Variants in UMODL1 observed in about 807,000 individuals in gnomAD.
The protein encoded by UMODL1 is uromodulin-like 1.
UMODL1 carries 128 observed loss-of-function variants against 136.3 expected under a neutral mutation model. The ratio of observed to expected loss-of-function variants is 0.94; its 90% confidence interval spans 0.81 to 1.09. UMODL1 has a LOEUF of 1.09. UMODL1 is among the 50% of genes least tolerant of loss of function. The probability of loss-of-function intolerance (pLI) is 0.00; values close to 1 mark genes in which losing one functional copy is unlikely to be tolerated. For missense variants in UMODL1, 1,766 were observed against 1,725.6 expected (o/e 1.02, Z -0.41); for synonymous variants, 721 against 720.0 (o/e 1.00, Z -0.02).
intron 6 of UMODL1, among the ~76,000 whole-genome samples, chr21:42,096,434 T>C (rs1312117641): frequency 6.6e-6 from 1 of 152,206 alleles, no homozygotes; most frequent in Non-Finnish European, 1.5e-5. Context: ...AGAGTAAATA[T>C]ACTTATTAAA....
chr21:42,063,271 TGCAGGGGGCTGCCACTGAGCCCGCTG>T (rs1387519196), intron 1 of UMODL1: 1 of 152,154 alleles, frequency 6.6e-6, no homozygotes, highest in Non-Finnish European at 1.5e-5. Context: ...TTTGCAGGGG[TGCAGGGGGCTGCCACTGAGCCCGCTG>T]CACAGGGTGA....
rs1569145574 is a variant in UMODL1, at chr21:42,085,427, C to CG, written c.603+20dup. The CG allele has an allele frequency of 8.7e-6, 14 of 1,613,458 alleles. No individual in the cohort carries two copies. The highest frequency in any genetic ancestry group is 1.3e-5 in the African/African-American group (1 of 75,042). On this transcript the variant is annotated intron_variant, in intron 4 of 22. Transcript: ENST00000408910. This position sits in a 1 kb window ranked among gnomAD's most constrained non-coding sequence, Gnocchi z 4.5. The stretch of plus-strand genomic sequence containing the variant: ...TGCATTCCTTGGTAGGTGAGACAGA[C>CG]GGGGGCTGCCTGCACCCTCCTTGTG...
At chr21:42,090,949 A>C (rs2066484608) in intron 6 of UMODL1, among the ~76,000 whole-genome samples, 1 of 152,226 alleles carries the variant, frequency 6.6e-6, no homozygotes, top group South Asian at 2.1e-4. Context: ...GAGTGCCGGC[A>C]GTGAGCTGCC....
Position 42,129,717 on chromosome 21 carries a change from G to C in UMODL1, c.3695G>C (p.Cys1232Ser), listed in dbSNP as rs1434510053. The C allele has an allele frequency of 1.9e-6, 3 of 1,572,056 alleles. No individual in the cohort carries two copies. The highest frequency in any genetic ancestry group is 2.4e-5 in the South Asian group (2 of 82,294). Residue 1232 changes from cysteine to serine, a missense_variant, in exon 21 of 23, where the codon TGC becomes TCC. Cys to Ser is a moderately radical substitution (Grantham distance 112). Coordinates refer to ENST00000408910, the MANE Select transcript of UMODL1 (RefSeq NM_001004416.3). ...TTCTTGGAAAAAAAAAAACAGAATT[G>C]CAATAACTTTCGGTTGCTGCAAAAT... Reference protein sequence around the residue: ...ESPGATCKINCNNFRLLQNSE... With the variant: ...ESPGATCKINSNNFRLLQNSE...
At chr21:42,125,245 A>C (rs1392486754) in intron 17 of UMODL1, among the ~76,000 whole-genome samples, 4 of 152,164 alleles carry the variant, frequency 2.6e-5, no homozygotes, top group Non-Finnish European at 5.9e-5. Flanking sequence ...CCTGGGGAGC[A>C]GAGGCCAGAA....
At chr21:42,090,228 T>C in intron 5 of UMODL1, 70 bp from the exon 6 acceptor site, 1 of 1,599,652 alleles carries the variant, frequency 6.3e-7, no homozygotes, top group Non-Finnish European at 8.5e-7. Flanking sequence ...AGGCCGTGTG[T>C]GTGCAGGTAG....
chr21:42,129,829 G>T, intron 21 of UMODL1, 32 bp downstream of exon 21: 1 of 1,472,226 alleles, frequency 6.8e-7, no homozygotes, highest in Non-Finnish European at 9.1e-7. Context: ...GACAATGAAA[G>T]AAAAGATGCA....
chr21:42,074,839 C>G (rs1569138755), intron 1 of UMODL1, among the ~76,000 whole-genome samples: 1 of 152,170 alleles, frequency 6.6e-6, no homozygotes, highest in East Asian at 1.9e-4. Context: ...ATTCTCCTGC[C>G]TCAGCCTCCT....
At chr21:42,113,950 C>T in intron 13 of UMODL1, 120 bp downstream of exon 13, 3 of 1,368,776 alleles carry the variant, frequency 2.2e-6, no homozygotes, top group Non-Finnish European at 2.9e-6. Context: ...TTGTTCTTCT[C>T]AGCTTAGGGA....
At chr21:42,110,618 C>T (rs887344447) in intron 10 of UMODL1, among the ~76,000 whole-genome samples, 5 of 152,162 alleles carry the variant, frequency 3.3e-5, no homozygotes, top group Admixed American at 6.5e-5. Context: ...GGTTTTGTAG[C>T]CCCCCGGGTG....
upstream of UMODL1, among the ~76,000 whole-genome samples, chr21:42,070,322 C>T (rs2066218644): frequency 6.6e-6 from 1 of 152,222 alleles, no homozygotes; most frequent in Non-Finnish European, 1.5e-5. Context: ...CAGCAGTCAA[C>T]ACTAAGAAGT....
rs73905528 is a variant in UMODL1, at chr21:42,072,272, T to C, written c.76+880T>C. On this transcript the variant is annotated intron_variant, in intron 1 of 22. Transcript: ENST00000408910. ...TCTGAAACCCCAGAATCCAGGGAAA[T>C]GGGACTGCGGAATTTTAAAATCATT... Among the ~76,000 whole-genome samples, 634 of 152,288 alleles carry C rather than the reference T, an allele frequency of 4.2e-3. 3 individuals carry two copies. Among genetic ancestry groups the C allele is most frequent in the African/African-American group, 0.014 (593 of 41,552 alleles).
Position 42,119,168 on chromosome 21 carries a change from A to G in UMODL1, c.2533A>G (p.Met845Val). The change falls in exon 15 of 23, where the codon ATG becomes GTG. Residue 845 changes from methionine to valine, a missense_variant. Transcript: ENST00000408910. ...GCACATGGACGCTGGTGGGGTCAGG[A>G]TGGAAGTCGTCAGCGTCACCAACGG... The part of the protein sequence containing the change: ...CQHMDAGGVR[M>V]EVVSVTNGSI... The G allele has an allele frequency of 6.2e-7, 1 of 1,614,056 alleles. No homozygotes were observed. The highest frequency in any genetic ancestry group is 1.1e-5 in the South Asian group (1 of 91,074).
At chr21:42,064,919 G>A (rs1420260165) in intron 1 of UMODL1, among the ~76,000 whole-genome samples, 1 of 152,150 alleles carries the variant, frequency 6.6e-6, no homozygotes, top group African/African-American at 2.4e-5. Flanking sequence ...GGAGAATCCT[G>A]ACAAAGAGCG....
At chr21:42,103,794 C>T (rs780454323) in intron 8 of UMODL1, 74 bp from the exon 9 acceptor site, 15 of 1,548,472 alleles carry the variant, frequency 9.7e-6, no homozygotes, top group South Asian at 2.2e-5. Flanking sequence ...CACCATCCAT[C>T]GGTCACACCT....
chr21:42,075,515 C>T (rs1305510786), intron 1 of UMODL1, among the ~76,000 whole-genome samples: 2 of 152,216 alleles, frequency 1.3e-5, no homozygotes, highest in Non-Finnish European at 2.9e-5. Context: ...TCAGTTTGCA[C>T]TGTGGAGGGA....
rs144072320 is a variant in UMODL1 at position 42,123,857 on chromosome 21, A to C, written c.3147+707A>C. Among the ~76,000 whole-genome samples the C allele has an allele frequency of 1.3e-5, 2 of 152,160 alleles. No individual in the cohort carries two copies. Among genetic ancestry groups the C allele is most frequent in the African/African-American group, 4.8e-5 (2 of 41,514 alleles). ...TAGTCAGAACTGCTCTGTCGGAGGGACTGTGTTCCTAGCGAACATTCTCTA... is the reference window on the plus strand; with the variant it reads ...TAGTCAGAACTGCTCTGTCGGAGGGCCTGTGTTCCTAGCGAACATTCTCTA... On this transcript the variant is annotated intron_variant, in intron 17 of 22. Coordinates refer to ENST00000408910, the MANE Select transcript of UMODL1 (RefSeq NM_001004416.3). This position sits in a 1 kb window ranked among gnomAD's most constrained non-coding sequence, Gnocchi z 4.4.
At chr21:42,124,246 A>G (rs2067021000) in intron 17 of UMODL1, among the ~76,000 whole-genome samples, 1 of 152,112 alleles carries the variant, frequency 6.6e-6, no homozygotes, top group South Asian at 2.1e-4. Flanking sequence ...AGCACCTTCC[A>G]CCAGCTCAGC....
At chr21:42,096,347 G>A (rs2066557467) in intron 6 of UMODL1, among the ~76,000 whole-genome samples, 2 of 152,222 alleles carry the variant, frequency 1.3e-5, no homozygotes, top group Non-Finnish European at 1.5e-5. Context: ...GCCTCGGAGG[G>A]CTTCACAGCA....
Sources: allele counts gnomAD v4.1 joint callset (sites outside exome capture counted in the v4.1 genomes callset), GRCh38; gene constraint gnomAD v4.1.1; non-coding constraint Gnocchi (gnomAD v3.1); transcripts MANE v1.5; gene names NCBI Gene and HGNC (gene_info 2026-07-23, HGNC 2026-07-21).